The following ADAM2 variants were observed in gnomAD, a reference collection of about 807,000 sequenced individuals.
ADAM2 encodes the protein ADAM metallopeptidase domain 2.
In ADAM2, 101 loss-of-function variants were observed where a neutral mutation model predicts 99.3. The ratio of observed to expected loss-of-function variants is 1.02; its 90% CI spans 0.87 to 1.20. The LOEUF (loss-of-function observed/expected upper bound fraction) is 1.20, where lower values mean the gene tolerates loss of function less well. Among genes scored for constraint, ADAM2 ranks in the 50% most tolerant of loss-of-function variants. The pLI, the probability that ADAM2 is intolerant of heterozygous loss-of-function variation, is 0.00. For missense variants in ADAM2, 948 were observed against 878.7 expected (o/e 1.08, Z -1.00); for synonymous variants, 323 against 287.6 (o/e 1.12, Z -1.25).
chr8:39,798,791 T>C (rs1804083087), intron 7 of ADAM2, among the ~76,000 whole-genome samples: 1 of 152,156 alleles, frequency 6.6e-6, no homozygotes, highest in African/African-American at 2.4e-5. Context: ...TCCAGGAACT[T>C]ATCCATTTCT....
intron 7 of ADAM2, among the ~76,000 whole-genome samples, chr8:39,805,397 T>G (rs1232598541): frequency 1.3e-5 from 2 of 152,176 alleles, no homozygotes; most frequent in East Asian, 3.9e-4. Context: ...TTCATAGAAA[T>G]AAACTTGGAA....
chr8:39,824,741 C>G (rs1011429164), intron 4 of ADAM2, 78 bp downstream of exon 4: 3 of 793,984 alleles, frequency 3.8e-6, no homozygotes, highest in South Asian at 3.0e-5. Context: ...ACTTTAGACT[C>G]TAATAACATG....
chr8:39,816,544 A>T (rs1027978620), intron 6 of ADAM2, among the ~76,000 whole-genome samples: 1 of 152,208 alleles, frequency 6.6e-6, no homozygotes, highest in African/African-American at 2.4e-5. Context: ...AAAAGTAGAA[A>T]CAACCAATTT....
At chr8:39,780,879 GA>G (rs2129584884) in intron 10 of ADAM2, among the ~76,000 whole-genome samples, 1 of 152,174 alleles carries the variant, frequency 6.6e-6, no homozygotes, top group Admixed American at 6.5e-5. Context: ...AAATGGGTTT[GA>G]AACTTGTAGA....
intron 16 of ADAM2, among the ~76,000 whole-genome samples, chr8:39,750,554 G>C (rs1801886354): frequency 6.6e-6 from 1 of 152,128 alleles, no homozygotes; most frequent in South Asian, 2.1e-4. Context: ...ATAGCCTATA[G>C]ATACAAAGTT....
chr8:39,767,293 TA>T (rs1414694128), intron 12 of ADAM2, 42 bp from the exon 13 acceptor site: 1 of 1,493,706 alleles, frequency 6.7e-7, no homozygotes, highest in Non-Finnish European at 9.2e-7. Flanking sequence ...TTCCAACTTG[TA>T]TTCATATTGG....
At position 39,824,810 on chromosome 8, in the gene ADAM2, A is replaced by G. The variant is rs746330234; in HGVS notation, c.267+9T>C. On this transcript the variant is annotated intron_variant, in intron 4 of 20. Coordinates refer to ENST00000265708, the MANE Select transcript of ADAM2 (RefSeq NM_001464.5). Reference sequence around the variant, plus strand: ...ATGACAAAAATAAAAGAGATCATAAAAAACATACCTGAAAATCTTGGTCAA... The same window carrying G: ...ATGACAAAAATAAAAGAGATCATAAGAAACATACCTGAAAATCTTGGTCAA... 6.7e-7 allele frequency: 1 copy of G among 1,484,040 alleles called. No individual in the cohort carries two copies. 91.9% of individuals were successfully genotyped at this position (1,484,040 alleles called of 1,614,324 possible).
intron 7 of ADAM2, among the ~76,000 whole-genome samples, chr8:39,806,930 G>A (rs1326768639): frequency 6.6e-6 from 1 of 152,154 alleles, no homozygotes; most frequent in Non-Finnish European, 1.5e-5. Context: ...TGACAGGATG[G>A]AACGATACAG....
chr8:39,754,878 G>A (rs1044581311), intron 16 of ADAM2, among the ~76,000 whole-genome samples: 1 of 152,080 alleles, frequency 6.6e-6, no homozygotes, highest in African/African-American at 2.4e-5. Flanking sequence ...TGTATGCATA[G>A]GTACCATATT....
chr8:39,749,932 A>G (rs1563333342), intron 16 of ADAM2, among the ~76,000 whole-genome samples, 188 bp from the exon 17 acceptor site: 1 of 152,104 alleles, frequency 6.6e-6, no homozygotes, highest in Non-Finnish European at 1.5e-5. Context: ...ACTAGATGAG[A>G]CTCTGATTAT....
chr8:39,788,742 T>A lies in ADAM2; in HGVS notation c.571-2A>T, dbSNP rs75268423. On this transcript the variant is annotated splice_acceptor_variant, in intron 7 of 20. Transcript: ENST00000265708. LOFTEE classifies it high-confidence loss of function. Reference sequence around the variant, plus strand: ...TGTATCAGACCCCATATGATTATACTGTAAAATATTATTACATTTTAGATA... The same window carrying A: ...TGTATCAGACCCCATATGATTATACAGTAAAATATTATTACATTTTAGATA... The A allele has an allele frequency of 7.0e-3, 10,246 of 1,456,520 alleles. 80 individuals are homozygous for A. The highest frequency in any genetic ancestry group is 0.021 in the Middle Eastern group (119 of 5,574). 90.2% of individuals were successfully genotyped at this position (1,456,520 alleles called of 1,614,324 possible). A position where few individuals can be genotyped will look rare whatever the true frequency, so the allele number is the denominator to read the frequency against.
intron 3 of ADAM2, among the ~76,000 whole-genome samples, chr8:39,829,363 C>A (rs892857424): frequency 6.6e-6 from 1 of 151,908 alleles, no homozygotes; most frequent in Non-Finnish European, 1.5e-5. Flanking sequence ...AGGCACTTCA[C>A]AGGGGAGAAA....
At chr8:39,778,105 T>A (rs1803073137) in intron 10 of ADAM2, among the ~76,000 whole-genome samples, 1 of 150,370 alleles carries the variant, frequency 6.7e-6, no homozygotes, top group Non-Finnish European at 1.5e-5. Flanking sequence ...TTTGTAAGAG[T>A]AAGATGCTTA....
chr8:39,750,032 C>G (rs190563428), intron 16 of ADAM2, among the ~76,000 whole-genome samples: 1 of 151,568 alleles, frequency 6.6e-6, no homozygotes, highest in Non-Finnish European at 1.5e-5. Context: ...CAAATAAGTA[C>G]GTAATAAATG....
intron 4 of ADAM2, among the ~76,000 whole-genome samples, chr8:39,822,752 T>TG (rs141923783): frequency 0.07 from 10,706 of 152,036 alleles, 437 homozygotes; most frequent in Non-Finnish European, 0.093. Flanking sequence ...GTCTGTTTTT[T>TG]TTTTGTTTTG....
chr8:39,759,936 G>A (rs1224468524), intron 15 of ADAM2, among the ~76,000 whole-genome samples: 1 of 151,970 alleles, frequency 6.6e-6, no homozygotes, highest in Non-Finnish European at 1.5e-5. Context: ...GCGCGATCTC[G>A]GCTCACTGCA....
chr8:39,746,682 A>G (rs915518991), intron 18 of ADAM2, 51 bp from the exon 19 acceptor site: 3 of 1,397,020 alleles, frequency 2.1e-6, no homozygotes, highest in Non-Finnish European at 2.9e-6. Flanking sequence ...GAAATATAGT[A>G]AAGATATTTC....
chr8:39,755,697 G>A (rs747549774), intron 16 of ADAM2, 31 bp downstream of exon 16: 1 of 1,546,630 alleles, frequency 6.5e-7, no homozygotes, highest in Non-Finnish European at 8.9e-7. Context: ...TAAAATATTA[G>A]GAAATTATTT....
At chr8:39,814,374 A>T (rs1348037424) in intron 6 of ADAM2, among the ~76,000 whole-genome samples, 1 of 151,838 alleles carries the variant, frequency 6.6e-6, no homozygotes, top group African/African-American at 2.4e-5. Flanking sequence ...AAAAAAAAAA[A>T]TCCACAATAG....
Sources: gnomAD v4.1 joint callset for allele counts (sites outside exome capture counted in the v4.1 genomes callset) on GRCh38, gnomAD v4.1.1 for gene constraint, MANE v1.5 for transcripts, NCBI Gene and HGNC (gene_info 2026-07-23, HGNC 2026-07-21) for gene names.